The following CCDC150 variants were observed in gnomAD, a reference collection of about 807,000 sequenced individuals.
CCDC150 encodes the protein coiled-coil domain-containing protein 150.
In CCDC150, 151 loss-of-function variants were observed where a neutral mutation model predicts 156.5. The observed-to-expected ratio is 0.97, with a 90% CI of 0.85 to 1.10. CCDC150 has a LOEUF of 1.10. CCDC150 is among the 50% of genes least tolerant of loss of function. CCDC150 has a pLI of 0.00. For missense variants in CCDC150, 1,312 were observed against 1,268.1 expected (o/e 1.03, Z -0.53); for synonymous variants, 452 against 429.4 (o/e 1.05, Z -0.65).
rs147993692 is a variant in CCDC150, at chr2:196,644,265, C to T, written c.13-2076C>T. 5.5e-3 allele frequency among the ~76,000 whole-genome samples: 840 copies of T among 152,168 alleles called. 4 individuals are homozygous for T. Among genetic ancestry groups the T allele is most frequent in the African/African-American group, 0.019 (806 of 41,500 alleles). The stretch of plus-strand genomic sequence containing the variant: ...AGAGAGGACAAAGGAGCTGTGTCTG[C>T]GCACACCCTATTAGCCACCCTTTCC... On this transcript the variant is annotated intron_variant, in intron 1 of 27. Transcript: ENST00000389175.
At chr2:196,669,351 T>G (rs940727824) in intron 7 of CCDC150, among the ~76,000 whole-genome samples, 2 of 152,168 alleles carry the variant, frequency 1.3e-5, no homozygotes, top group Non-Finnish European at 2.9e-5. Context: ...CCAGATGTTC[T>G]CCTTGTCTCA....
At chr2:196,728,984 C>T (rs889027851) in intron 22 of CCDC150, among the ~76,000 whole-genome samples, 2 of 151,938 alleles carry the variant, frequency 1.3e-5, no homozygotes, top group African/African-American at 4.8e-5. Flanking sequence ...ATTCTTTATT[C>T]CAAAAAAGAT....
At chr2:196,672,093 G>C (rs1295126147) in intron 8 of CCDC150, among the ~76,000 whole-genome samples, 1 of 152,200 alleles carries the variant, frequency 6.6e-6, no homozygotes, top group Non-Finnish European at 1.5e-5. Flanking sequence ...TTTGGCCATT[G>C]TAATAGGTGT....
intron 7 of CCDC150, chr2:196,667,661 C>G (rs1693926714): frequency 1.3e-5 from 2 of 152,336 alleles, no homozygotes; most frequent in Middle Eastern, 3.4e-3. Flanking sequence ...CCTGGATCTT[C>G]TAACTCCAAG....
At chr2:196,708,056 AT>A in intron 15 of CCDC150, among the ~76,000 whole-genome samples, 1 of 152,146 alleles carries the variant, frequency 6.6e-6, no homozygotes. Context: ...AGTCCTGGAT[AT>A]CCTTGTTAAC....
chr2:196,730,073 A>G lies in CCDC150; in HGVS notation c.2937A>G (p.Leu979=), dbSNP rs920500994. The G allele has an allele frequency of 1.2e-6, 2 of 1,612,626 alleles. No homozygotes were observed. The highest frequency in any genetic ancestry group is 2.7e-5 in the African/African-American group (2 of 74,902). ...SVRNKQQELH[L]EAERKIRQEL... ...GGAATAAACAGCAAGAGCTGCACCT[A>G]GAAGCAGAGCGGAAAATAAGGCAGG... Residue 979 remains leucine, a synonymous_variant, in exon 25 of 28, where the codon CTA becomes CTG. Transcript: ENST00000389175.
chr2:196,712,115 AT>A (rs1192249087), intron 15 of CCDC150, 29 bp from the exon 16 acceptor site: 68 of 1,122,922 alleles, frequency 6.1e-5, no homozygotes, highest in Admixed American at 9.3e-5. Context: ...ATTTTTTAAA[AT>A]TTTTTTTGTA....
chr2:196,725,896 C>G, intron 21 of CCDC150, 77 bp from the exon 22 acceptor site: 4 of 1,369,334 alleles, frequency 2.9e-6, no homozygotes, highest in Non-Finnish European at 4.0e-6. Context: ...TGGAGAGTTG[C>G]ACACTCCCCT....
intron 8 of CCDC150, 116 bp downstream of exon 8, chr2:196,669,992 A>G (rs1303523728): frequency 1.5e-6 from 1 of 657,382 alleles, no homozygotes; most frequent in African/African-American, 1.8e-5. Context: ...TTATTTAAAA[A>G]GTTTCATGTA....
intron 2 of CCDC150, among the ~76,000 whole-genome samples, chr2:196,652,992 G>A (rs1283279623): frequency 6.6e-6 from 1 of 152,246 alleles, no homozygotes; most frequent in Non-Finnish European, 1.5e-5. Flanking sequence ...AGGATGTGGG[G>A]AGCATTCCTG....
rs1305575850 is a variant in CCDC150, at chr2:196,654,436, AT to A, written c.177-2187del. Reference sequence around the variant, plus strand: ...CCATAAGCTATCTTCACTCCTTTTCATTTTTTTTTTCTTTCTGCTCCTCACA... The same window carrying A: ...CCATAAGCTATCTTCACTCCTTTTCATTTTTTTTTCTTTCTGCTCCTCACA... On this transcript the variant is annotated intron_variant, in intron 2 of 27. Transcript: ENST00000389175. 1.5e-4 allele frequency among the ~76,000 whole-genome samples: 21 copies of A among 139,618 alleles called. No individual in the cohort carries two copies. In the East Asian group the frequency reaches 3.4e-3, roughly 23 times the overall value. The allele number at this position is 139,618 out of a possible 152,430, so 91.6% of individuals were successfully genotyped here. A position where few individuals can be genotyped will look rare whatever the true frequency, so the allele number is the denominator to read the frequency against.
At chr2:196,643,397 C>T (rs1472533155) in intron 1 of CCDC150, among the ~76,000 whole-genome samples, 3 of 151,906 alleles carry the variant, frequency 2.0e-5, no homozygotes, top group Admixed American at 6.6e-5. Flanking sequence ...AAATTCCTAC[C>T]GCGACATGTT....
In CCDC150 at chr2:196,651,960, A is replaced by C. The variant is rs370712622; in HGVS notation, c.177-4673A>C. Among the ~76,000 whole-genome samples, 35 of 152,226 alleles carry C rather than the reference A, an allele frequency of 2.3e-4. No individual in the cohort carries two copies. The East Asian group carries it at 3.5e-3, about 15-fold the overall frequency. On this transcript the variant is annotated intron_variant, in intron 2 of 27. Coordinates refer to ENST00000389175, the MANE Select transcript of CCDC150 (RefSeq NM_001080539.2). ...GAGAGAGGGAGCAAGAGAGAGGAGG[A>C]GGTACCAGGCCCCTTTAAACAACCA...
chr2:196,701,260 G>C (rs1575881093), intron 15 of CCDC150, 80 bp downstream of exon 15: 1 of 964,340 alleles, frequency 1.0e-6, no homozygotes, highest in Non-Finnish European at 1.6e-6. Flanking sequence ...TAGATTTTGA[G>C]AATACCTAGC....
chr2:196,726,717 C>CCATG, intron 22 of CCDC150: 1 of 152,566 alleles, frequency 6.6e-6, no homozygotes, highest in South Asian at 2.1e-4. Flanking sequence ...ACAGCACAGG[C>CCATG]CATGCTTACT....
rs948258002 is a variant in CCDC150 at position 196,671,552 on chromosome 2, C to T, written c.937-793C>T. ...AAGCGATTCTCCTGTCTCAGCCTCCCGAGTAGTTGGGATTACAAGTGCCCT... is the reference window on the plus strand; with the variant it reads ...AAGCGATTCTCCTGTCTCAGCCTCCTGAGTAGTTGGGATTACAAGTGCCCT... On this transcript the variant is annotated intron_variant, in intron 8 of 27. Coordinates refer to ENST00000389175, the MANE Select transcript of CCDC150 (RefSeq NM_001080539.2). Among the ~76,000 whole-genome samples the T allele has an allele frequency of 5.3e-5, 8 of 151,362 alleles. No homozygotes were observed. The East Asian group carries it at 5.8e-4, about 11-fold the overall frequency.
intron 13 of CCDC150, among the ~76,000 whole-genome samples, chr2:196,692,544 T>C (rs1695555255): frequency 6.6e-6 from 1 of 152,246 alleles, no homozygotes; most frequent in Non-Finnish European, 1.5e-5. Context: ...TCATTAGTTT[T>C]AAATAACCTA....
Position 196,710,901 on chromosome 2 carries a change from A to T in CCDC150, c.1696-1244A>T, listed in dbSNP as rs73045573. Among the ~76,000 whole-genome samples the T allele has an allele frequency of 2.7e-3, 416 of 152,010 alleles. 1 individual carries two copies. Among genetic ancestry groups the T allele is most frequent in the African/African-American group, 9.4e-3 (391 of 41,438 alleles). ...TTAAGTTCAGTGGTGGATAGATGGG[A>T]TGATGGCATATATGTCTGAAAGATT... On this transcript the variant is annotated intron_variant, in intron 15 of 27. Transcript: ENST00000389175.
chr2:196,710,504 T>G (rs1697034624), intron 15 of CCDC150, among the ~76,000 whole-genome samples: 1 of 152,222 alleles, frequency 6.6e-6, no homozygotes, highest in African/African-American at 2.4e-5. Context: ...CTCTGTGGGC[T>G]GCACCCACTG....
Sources: gnomAD v4.1 joint callset for allele counts (sites outside exome capture counted in the v4.1 genomes callset) on GRCh38, gnomAD v4.1.1 for gene constraint, MANE v1.5 for transcripts, NCBI Gene and HGNC (gene_info 2026-07-23, HGNC 2026-07-21) for gene names.